Variants in ATPSCKMT observed in about 807,000 individuals in gnomAD.
ATPSCKMT encodes ATP synthase subunit C lysine N-methyltransferase.
ATPSCKMT carries 24 observed loss-of-function variants against 24.3 expected under a neutral mutation model. The ratio of observed to expected loss-of-function variants is 0.99; its 90% confidence interval spans 0.71 to 1.39. ATPSCKMT has a LOEUF of 1.39. ATPSCKMT is among the 40% of genes most tolerant of loss of function. The pLI, the probability that ATPSCKMT is intolerant of heterozygous loss-of-function variation, is 0.00. For missense variants in ATPSCKMT, 311 were observed against 298.4 expected (o/e 1.04, Z -0.31); for synonymous variants, 95 against 110.5 (o/e 0.86, Z 0.88).
At chr5:10,241,988 T>A (rs939817653) in intron 1 of ATPSCKMT, among the ~76,000 whole-genome samples, 1 of 152,110 alleles carries the variant, frequency 6.6e-6, no homozygotes, top group Non-Finnish European at 1.5e-5. Context: ...TAAAAAAGAG[T>A]TTATTGCTAA....
chr5:10,247,815 A>G (rs1373708943), intron 1 of ATPSCKMT, among the ~76,000 whole-genome samples: 15 of 152,216 alleles, frequency 9.9e-5, no homozygotes, highest in Non-Finnish European at 1.8e-4. Flanking sequence ...TGCAGTGGCC[A>G]CTGGCTACTT....
At chr5:10,234,165 T>G (rs2386583) in intron 4 of ATPSCKMT, among the ~76,000 whole-genome samples, 1 of 151,890 alleles carries the variant, frequency 6.6e-6, no homozygotes, top group African/African-American at 2.4e-5. Context: ...CCACCTCTAC[T>G]AAAAATATAA....
intron 4 of ATPSCKMT, among the ~76,000 whole-genome samples, chr5:10,232,224 T>G (rs1029977809): frequency 6.6e-6 from 1 of 152,146 alleles, no homozygotes; most frequent in African/African-American, 2.4e-5. Flanking sequence ...AAAAAAAAAT[T>G]CATAACAGAA....
chr5:10,228,158 T>C (rs1284928173), intron 4 of ATPSCKMT, among the ~76,000 whole-genome samples: 2 of 152,150 alleles, frequency 1.3e-5, no homozygotes, highest in Non-Finnish European at 2.9e-5. Context: ...TTTTTGCACA[T>C]TTTTAACATC....
rs191579260 is a variant in ATPSCKMT, at chr5:10,245,399, G to C, written c.16+4459C>G. 2.3e-3 allele frequency among the ~76,000 whole-genome samples: 354 copies of C among 152,132 alleles called. 7 individuals are homozygous for C. The highest frequency in any genetic ancestry group is 6.0e-4 in the Non-Finnish European group (41 of 67,994). ...CGCGCCACTGCACTCCAGCCTGGGT[G>C]ACAAAGTGAGACTCCGTCTCAAAAA... On this transcript the variant is annotated intron_variant, in intron 1 of 4. Transcript: ENST00000511437.
chr5:10,232,341 G>A (rs1033860238), intron 4 of ATPSCKMT, among the ~76,000 whole-genome samples: 7 of 152,186 alleles, frequency 4.6e-5, no homozygotes, highest in Admixed American at 2.0e-4. Flanking sequence ...TTCAACAACC[G>A]TTTACTGAGT....
chr5:10,228,406 C>G (rs17294394), intron 4 of ATPSCKMT, among the ~76,000 whole-genome samples: 61,435 of 151,962 alleles, frequency 0.4, 13,409 homozygotes, highest in Non-Finnish European at 0.49. Context: ...GATAGCCTAA[C>G]TTATACCACC....
At chr5:10,228,736 T>C (rs766448133) in intron 4 of ATPSCKMT, among the ~76,000 whole-genome samples, 9 of 152,094 alleles carry the variant, frequency 5.9e-5, no homozygotes, top group East Asian at 1.9e-4. Flanking sequence ...CTGGACTGCA[T>C]TGGTGTGATC....
chr5:10,236,553 A>C lies in ATPSCKMT; in HGVS notation c.369T>G (p.Val123=). The C allele has an allele frequency of 6.2e-7, 1 of 1,614,242 alleles. No homozygotes were observed. The highest frequency in any genetic ancestry group is 8.5e-7 in the Non-Finnish European group (1 of 1,180,046). Residue 123 remains valine (V), a synonymous_variant, in exon 3 of 5, where the codon GTT becomes GTG. Transcript: ENST00000511437. ...AVGYELNPWL[V]WYSRYRAWRE... ...GCCAAGCGCGGTATCTGGAATACCA[A>C]ACTAGCCATGGGTTTAATTCATAAC...
At chr5:10,232,618 A>G (rs1744199748) in intron 4 of ATPSCKMT, among the ~76,000 whole-genome samples, 1 of 152,252 alleles carries the variant, frequency 6.6e-6, no homozygotes, top group South Asian at 2.1e-4. Flanking sequence ...GTGCTGTTCG[A>G]CGAAGTCCAG....
At position 10,225,933 on chromosome 5, in the gene ATPSCKMT, G is replaced by C. The variant is rs552274268; in HGVS notation, c.*1508C>G. Among the ~76,000 whole-genome samples the C allele has an allele frequency of 6.6e-5, 10 of 152,300 alleles. No individual in the cohort carries two copies. Among genetic ancestry groups the C allele is most frequent in the Admixed American group, 1.3e-4 (2 of 15,298 alleles). ...ACTGGTTACAGTGGAAGGCAACTGA[G>C]AGGCATAGAGCAAGAGCTGCCCTCC... is the stretch of plus-strand genomic sequence containing the variant. On this transcript the variant is annotated 3_prime_UTR_variant, in exon 5 of 5. Coordinates refer to ENST00000511437, the MANE Select transcript of ATPSCKMT (RefSeq NM_199133.4).
In ATPSCKMT at chr5:10,236,593, C is replaced by G. The variant is rs371375214; in HGVS notation, c.329G>C (p.Gly110Ala). Residue 110 changes from glycine to alanine, a missense_variant, in exon 3 of 5, where the codon GGG becomes GCG. By Grantham distance (60) the Gly-to-Ala change is moderately conservative (BLOSUM62 0). Transcript: ENST00000511437. ...TAATTCATAACCAACTGCTGTGAAC[C>G]CTTTCTTCGCAGCCGCTATGACCTG... ...GRIVIAAAKK[G>A]FTAVGYELNP... 18 of 1,614,130 alleles carry G rather than the reference C, an allele frequency of 1.1e-5. No homozygotes were observed. The highest frequency in any genetic ancestry group is 1.3e-5 in the Non-Finnish European group (15 of 1,180,018).
At position 10,239,344 on chromosome 5, in the gene ATPSCKMT, T is replaced by C; in HGVS notation, c.29A>G (p.Glu10Gly). ...TGACTGACTTTCTTCTTTAAGTGTT[T>C]CTAGGGGTATACCTAGATTGAAAGC... MEGGGGIPL[E>G]TLKEESQSRH... Residue 10 changes from glutamate (E) to glycine (G), a missense_variant, in exon 2 of 5, where the codon GAA (glutamate) becomes GGA (glycine). By Grantham distance (98) the Glu-to-Gly change is moderately conservative. Coordinates refer to ENST00000511437, the MANE Select transcript of ATPSCKMT (RefSeq NM_199133.4). The C allele has an allele frequency of 6.2e-7, 1 of 1,613,670 alleles. No homozygotes were observed. Among genetic ancestry groups the C allele is most frequent in the South Asian group, 1.1e-5 (1 of 91,040 alleles).
At chr5:10,230,597 C>T (rs973582521) in intron 4 of ATPSCKMT, among the ~76,000 whole-genome samples, 4 of 152,224 alleles carry the variant, frequency 2.6e-5, no homozygotes, top group East Asian at 1.9e-4. Flanking sequence ...GTCATGTCTG[C>T]GTAAAGGAAT....
intron 4 of ATPSCKMT, among the ~76,000 whole-genome samples, chr5:10,230,730 C>T (rs1188426621): frequency 6.6e-6 from 1 of 152,154 alleles, no homozygotes; most frequent in East Asian, 1.9e-4. Context: ...GCCACACACA[C>T]ACATCCCGCC....
chr5:10,239,269 T>G lies in ATPSCKMT; in HGVS notation c.104A>C (p.Asn35Thr). 1 of 1,614,170 alleles carries G rather than the reference T, an allele frequency of 6.2e-7. No individual in the cohort carries two copies. The highest frequency in any genetic ancestry group is 8.5e-7 in the Non-Finnish European group (1 of 1,180,024). Residue 35 changes from asparagine (N) to threonine (T), a missense_variant, in exon 2 of 5, where the codon AAC becomes ACC. Coordinates refer to ENST00000511437, the MANE Select transcript of ATPSCKMT (RefSeq NM_199133.4). ...SFEVNSLQKS[N>T]WGFLLTGLVG... Reference sequence around the variant, plus strand: ...AAGCCCAGTAAGTAAGAACCCCCAGTTGCTTTTCTGCAAACTGTTGACTTC... The same window carrying G: ...AAGCCCAGTAAGTAAGAACCCCCAGGTGCTTTTCTGCAAACTGTTGACTTC...
chr5:10,238,558 A>G (rs532119775), intron 2 of ATPSCKMT, among the ~76,000 whole-genome samples: 59 of 152,272 alleles, frequency 3.9e-4, no homozygotes, highest in Non-Finnish European at 5.7e-4. Context: ...GTGGCCTTTT[A>G]TTTATAGGTG....
intron 1 of ATPSCKMT, among the ~76,000 whole-genome samples, chr5:10,244,882 T>C (rs1327379968): frequency 2.0e-5 from 3 of 147,140 alleles, no homozygotes; most frequent in Non-Finnish European, 4.5e-5. Flanking sequence ...CATTCCAGCC[T>C]GGACAACTGA....
At chr5:10,239,392 A>ATTAAGTCTTTGTGTAAG in intron 1 of ATPSCKMT, 36 bp from the exon 2 acceptor site, 1 of 1,541,312 alleles carries the variant, frequency 6.5e-7, no homozygotes. Flanking sequence ...CACATGTAGC[A>ATTAAGTCTTTGTGTAAG]CCAAATCTGA....
Sources: gnomAD v4.1 joint callset for allele counts (sites outside exome capture counted in the v4.1 genomes callset) on GRCh38, gnomAD v4.1.1 for gene constraint, MANE v1.5 for transcripts, NCBI Gene and HGNC (gene_info 2026-07-23, HGNC 2026-07-21) for gene names.